ADAM23: variants seen among roughly 807,000 people sequenced by gnomAD.
ADAM23 encodes disintegrin and metalloproteinase domain-containing protein 23.
Under a neutral mutation model 120.1 loss-of-function variants are expected in ADAM23, and 33 were observed. That is an observed-to-expected ratio of 0.27 (90% CI 0.21 to 0.37). The LOEUF is 0.37. ADAM23 is among the 10% of genes least tolerant of loss of function. The pLI, the probability that ADAM23 is intolerant of heterozygous loss-of-function variation, is 1.00. For missense variants in ADAM23, 862 were observed against 1,058.2 expected, an observed-to-expected ratio of 0.81 and a Z score of 2.57; for synonymous variants, 367 against 375.2, an observed-to-expected ratio of 0.98 and a Z score of 0.25.
At chr2:206,575,019 T>C (rs571559390) in intron 18 of ADAM23, among the ~76,000 whole-genome samples, 20 of 152,184 alleles carry the variant, frequency 1.3e-4, no homozygotes, top group Admixed American at 1.2e-3. Flanking sequence ...AAAAATCAGA[T>C]GGTGGTAAGT....
intron 18 of ADAM23, among the ~76,000 whole-genome samples, chr2:206,582,808 A>G (rs553351720): frequency 9.2e-5 from 14 of 152,258 alleles, no homozygotes; most frequent in African/African-American, 3.4e-4. Context: ...TCTTTCTTTC[A>G]TATATGATGC....
chr2:206,584,723 C>T (rs191137241), intron 18 of ADAM23, among the ~76,000 whole-genome samples: 9 of 152,306 alleles, frequency 5.9e-5, no homozygotes, highest in Non-Finnish European at 1.2e-4. Flanking sequence ...TCTGCACACC[C>T]GATTGGTGCC....
intron 3 of ADAM23, among the ~76,000 whole-genome samples, chr2:206,511,941 A>G (rs769659386): frequency 1.1e-4 from 17 of 152,322 alleles, no homozygotes; most frequent in African/African-American, 2.2e-4. Flanking sequence ...TGATTGTTAC[A>G]TATTTCCCTA....
At chr2:206,606,377 G>T (rs1574563207) in intron 24 of ADAM23, 1 of 152,122 alleles carries the variant, frequency 6.6e-6, no homozygotes, top group Non-Finnish European at 1.5e-5. Context: ...AATGATATAG[G>T]AGGCTGCAGC....
intron 13 of ADAM23, 54 bp downstream of exon 13, chr2:206,562,347 G>C (rs1461437662): frequency 2.4e-6 from 3 of 1,248,714 alleles, no homozygotes; most frequent in Non-Finnish European, 3.5e-6. Flanking sequence ...TCTGTATAAT[G>C]CATGTCCAGT....
chr2:206,457,123 A>C (rs575575514), intron 2 of ADAM23, among the ~76,000 whole-genome samples: 3 of 152,338 alleles, frequency 2.0e-5, no homozygotes, highest in South Asian at 4.1e-4. Flanking sequence ...AGTAGAATGC[A>C]TGAAATCAAC....
At chr2:206,484,941 G>A (rs1446204035) in intron 3 of ADAM23, among the ~76,000 whole-genome samples, 9 of 152,174 alleles carry the variant, frequency 5.9e-5, no homozygotes, top group African/African-American at 1.2e-4. Flanking sequence ...CTTGCCTGCC[G>A]CCATGTAAGA....
At chr2:206,462,556 C>T (rs1695445627) in intron 2 of ADAM23, among the ~76,000 whole-genome samples, 2 of 152,154 alleles carry the variant, frequency 1.3e-5, no homozygotes, top group Admixed American at 6.6e-5. Flanking sequence ...TTGAAAAGGA[C>T]TTGGAGCAGC....
intron 3 of ADAM23, among the ~76,000 whole-genome samples, chr2:206,507,413 C>G (rs975447978): frequency 2.0e-5 from 3 of 152,094 alleles, no homozygotes; most frequent in Non-Finnish European, 4.4e-5. Context: ...AGCACCACCC[C>G]CCTTGCATCC....
intron 25 of ADAM23, among the ~76,000 whole-genome samples, chr2:206,613,143 T>C (rs1698868111): frequency 6.6e-6 from 1 of 152,162 alleles, no homozygotes; most frequent in Non-Finnish European, 1.5e-5. Context: ...CACCGCAACC[T>C]CCGCCTCCCA....
At chr2:206,539,018 A>T (rs926486513) in intron 4 of ADAM23, among the ~76,000 whole-genome samples, 2 of 152,154 alleles carry the variant, frequency 1.3e-5, no homozygotes, top group African/African-American at 4.8e-5. Flanking sequence ...ATTTCTGGTT[A>T]GGAAGTATTT....
chr2:206,606,117 A>G (rs1289997886), intron 24 of ADAM23, among the ~76,000 whole-genome samples: 2 of 152,244 alleles, frequency 1.3e-5, no homozygotes, highest in Non-Finnish European at 2.9e-5. Flanking sequence ...TATCTTCATA[A>G]TTAAGGCAAT....
chr2:206,553,270 CAA>C (rs969189433), intron 9 of ADAM23, among the ~76,000 whole-genome samples: 10 of 151,438 alleles, frequency 6.6e-5, no homozygotes, highest in Admixed American at 1.3e-4. Flanking sequence ...TATACATATA[CAA>C]AAAAAATTAA....
intron 3 of ADAM23, among the ~76,000 whole-genome samples, chr2:206,508,885 A>G (rs561296334): frequency 6.6e-6 from 1 of 152,296 alleles, no homozygotes; most frequent in African/African-American, 2.4e-5. Flanking sequence ...TTATAACTCT[A>G]TGAATAATTT....
At chr2:206,542,267 G>GCAAT in intron 5 of ADAM23, 133 bp downstream of exon 5, 1 of 815,586 alleles carries the variant, frequency 1.2e-6, no homozygotes, top group Admixed American at 2.1e-5. Context: ...CACAAGGAGG[G>GCAAT]CAATGTCCCT....
chr2:206,485,601 G>T (rs1192888631), intron 3 of ADAM23, among the ~76,000 whole-genome samples: 2 of 152,236 alleles, frequency 1.3e-5, no homozygotes, highest in Non-Finnish European at 2.9e-5. Context: ...CATCTGGCTT[G>T]TGGAGGCATC....
intron 3 of ADAM23, among the ~76,000 whole-genome samples, chr2:206,529,632 C>G (rs1209054616): frequency 6.6e-6 from 1 of 152,096 alleles, no homozygotes; most frequent in Non-Finnish European, 1.5e-5. Flanking sequence ...CTCCTGGCCT[C>G]AAACAATTCT....
At chr2:206,527,125 A>G (rs1559248691) in intron 3 of ADAM23, among the ~76,000 whole-genome samples, 1 of 152,206 alleles carries the variant, frequency 6.6e-6, no homozygotes, top group Non-Finnish European at 1.5e-5. Flanking sequence ...AAAGATGTTT[A>G]TTTTAGAATT....
chr2:206,519,769 T>G (rs1182516695), intron 3 of ADAM23, among the ~76,000 whole-genome samples: 1 of 152,058 alleles, frequency 6.6e-6, no homozygotes, highest in Non-Finnish European at 1.5e-5. Context: ...ACCAGCACTT[T>G]GGGAAGCCAA....
Sources: allele counts gnomAD v4.1 joint callset (sites outside exome capture counted in the v4.1 genomes callset), GRCh38; gene constraint gnomAD v4.1.1; transcripts MANE v1.5; gene names NCBI Gene and HGNC (gene_info 2026-07-23, HGNC 2026-07-21).